The following FBXO11 variants were observed in gnomAD, a reference collection of about 807,000 sequenced individuals.
The protein encoded by FBXO11 is F-box only protein 11.
FBXO11 carries 13 observed loss-of-function variants against 117.0 expected under a neutral mutation model. The ratio of observed to expected loss-of-function variants is 0.11; its 90% CI spans 0.07 to 0.18. The LOEUF (loss-of-function observed/expected upper bound fraction) is 0.18, where lower values mean the gene tolerates loss of function less well. Among genes scored for constraint, FBXO11 ranks in the 10% least tolerant of loss-of-function variants. The probability of loss-of-function intolerance (pLI) is 1.00; values close to 1 mark genes in which losing one functional copy is unlikely to be tolerated. For missense variants in FBXO11, 767 were observed against 1,164.4 expected (o/e 0.66, Z 4.97); for synonymous variants, 490 against 380.5 (o/e 1.29, Z -3.35).
rs185491543 is a variant in FBXO11, at chr2:47,866,484, T to C, written c.233-26715A>G. On this transcript the variant is annotated intron_variant, in intron 1 of 22. Coordinates refer to ENST00000403359, the MANE Select transcript of FBXO11 (RefSeq NM_001190274.2). ...TACGCTAGCAAGTTTGTTTTTTTTT[T>C]TTTCTTTTGAGACGGAGTCTTGCTC... is the stretch of plus-strand genomic sequence containing the variant. Among the ~76,000 whole-genome samples the C allele has an allele frequency of 3.3e-5, 5 of 152,010 alleles. No homozygotes were observed. The East Asian group carries it at 9.7e-4, about 29-fold the overall frequency.
intron 1 of FBXO11, among the ~76,000 whole-genome samples, chr2:47,877,624 C>T (rs537898434): frequency 5.3e-5 from 8 of 152,138 alleles, no homozygotes; most frequent in African/African-American, 1.4e-4. Context: ...CTTACCCTAA[C>T]GATTTTTCAT....
chr2:47,858,681 C>CAAAAAAAAAAAAAAAAAAAAAAAAAAAAA (rs902232765), intron 1 of FBXO11, among the ~76,000 whole-genome samples: 1 of 67,496 alleles, frequency 1.5e-5, no homozygotes, highest in Non-Finnish European at 2.9e-5. Context: ...GACTCTGCCT[C>CAAAAAAAAAAAAAAAAAAAAAAAAAAAAA]AAAAAAAAAA....
chr2:47,853,932 T>C (rs1185013818), intron 1 of FBXO11, among the ~76,000 whole-genome samples: 1 of 152,200 alleles, frequency 6.6e-6, no homozygotes, highest in Non-Finnish European at 1.5e-5. Flanking sequence ...TGACAGGTAT[T>C]TAGAATGGTT....
At chr2:47,892,866 T>A (rs576686966) in intron 1 of FBXO11, among the ~76,000 whole-genome samples, 2 of 152,286 alleles carry the variant, frequency 1.3e-5, no homozygotes, top group South Asian at 2.1e-4. Flanking sequence ...CGTTTTTTTT[T>A]AAGTCATTTA....
Position 47,905,613 on chromosome 2 carries a change from G to GGGCGGCTGC in FBXO11, c.99_107dup (p.Pro35_Gln37dup), listed in dbSNP as rs1678744248. The GGGCGGCTGC allele has an allele frequency of 7.4e-6, 10 of 1,360,118 alleles. No individual in the cohort carries two copies. Among genetic ancestry groups the GGGCGGCTGC allele is most frequent in the Non-Finnish European group, 9.5e-6 (10 of 1,053,064 alleles). The allele number at this position is 1,360,118 out of a possible 1,614,324, so 84.3% of individuals were successfully genotyped here. On this transcript the variant is annotated inframe_insertion, in exon 1 of 23. Transcript: ENST00000403359. ...GCTGCTGCTGGGGCGGCTGCTGCTGGGGCGGCTGCGGCGGCGGCTGCTGCG... is the reference window on the plus strand; with the variant it reads ...GCTGCTGCTGGGGCGGCTGCTGCTGGGGCGGCTGCGGCGGCTGCGGCGGCGGCTGCTGCG...
chr2:47,819,156 C>T, intron 14 of FBXO11, 78 bp from the exon 15 acceptor site: 1 of 1,440,232 alleles, frequency 6.9e-7, no homozygotes, highest in South Asian at 1.3e-5. Context: ...CCTTTATAGA[C>T]AGTTAAAAAA....
chr2:47,823,061 A>T (rs1671505502), intron 12 of FBXO11, 82 bp downstream of exon 12: 3 of 989,068 alleles, frequency 3.0e-6, no homozygotes, highest in African/African-American at 3.3e-5. Flanking sequence ...AAAAACTTTC[A>T]AGAGTTAAAG....
intron 1 of FBXO11, among the ~76,000 whole-genome samples, chr2:47,892,017 A>C (rs578000595): frequency 3.3e-5 from 5 of 152,040 alleles, no homozygotes; most frequent in African/African-American, 1.2e-4. Flanking sequence ...TTGGAGATTA[A>C]CTCCTTATCA....
At chr2:47,871,391 A>T (rs1675613849) in intron 1 of FBXO11, among the ~76,000 whole-genome samples, 1 of 152,178 alleles carries the variant, frequency 6.6e-6, no homozygotes, top group Admixed American at 6.5e-5. Flanking sequence ...ACTTCAAATG[A>T]CTATAGCCCT....
intron 4 of FBXO11, chr2:47,836,844 C>T (rs565643608): frequency 5.0e-5 from 14 of 278,134 alleles, no homozygotes; most frequent in South Asian, 3.2e-4. Flanking sequence ...AGTGCAGAGG[C>T]GTGATCATGG....
Position 47,900,651 on chromosome 2 carries a change from CGT to C in FBXO11, c.232+4836_232+4837del, listed in dbSNP as rs1280090946. Among the ~76,000 whole-genome samples, 8 of 111,162 alleles carry C rather than the reference CGT, an allele frequency of 7.2e-5. 1 individual carries two copies. The highest frequency in any genetic ancestry group is 9.4e-5 in the Admixed American group (1 of 10,650). 72.9% of individuals were successfully genotyped at this position (111,162 alleles called of 152,430 possible). A position where few individuals can be genotyped will look rare whatever the true frequency, so the allele number is the denominator to read the frequency against. ...ATACACACACGTACGTATATACACA[CGT>C]ATACACACACGTACGTATATACACA... On this transcript the variant is annotated intron_variant, in intron 1 of 22. Coordinates refer to ENST00000403359, the MANE Select transcript of FBXO11 (RefSeq NM_001190274.2).
At chr2:47,814,718 C>T (rs1202307515) in intron 16 of FBXO11, among the ~76,000 whole-genome samples, 1 of 152,194 alleles carries the variant, frequency 6.6e-6, no homozygotes, top group East Asian at 1.9e-4. Context: ...AAGTTTGCCA[C>T]ATAGACTGAC....
chr2:47,898,539 G>C (rs907885972), intron 1 of FBXO11, among the ~76,000 whole-genome samples: 3 of 152,056 alleles, frequency 2.0e-5, no homozygotes, highest in Non-Finnish European at 4.4e-5. Context: ...GTAATTCAGG[G>C]GAAATCTACC....
intron 11 of FBXO11, among the ~76,000 whole-genome samples, chr2:47,823,959 G>A (rs1182624023): frequency 6.6e-6 from 1 of 151,918 alleles, no homozygotes; most frequent in Non-Finnish European, 1.5e-5. Context: ...AGCCTTCTGA[G>A]TAGCTAGGAC....
chr2:47,812,051 C>G (rs970718590), intron 18 of FBXO11, among the ~76,000 whole-genome samples: 1 of 146,700 alleles, frequency 6.8e-6, no homozygotes, highest in Admixed American at 7.1e-5. Context: ...TTGATTATTT[C>G]CACTACACCT....
chr2:47,820,020 G>A (rs150416255), intron 14 of FBXO11, among the ~76,000 whole-genome samples: 15 of 152,270 alleles, frequency 9.9e-5, no homozygotes, highest in South Asian at 4.1e-4. Flanking sequence ...AGTCATACTC[G>A]TAAAATTCTG....
chr2:47,874,867 C>CTT (rs377037169), intron 1 of FBXO11, among the ~76,000 whole-genome samples: 19,363 of 128,732 alleles, frequency 0.15, 1,492 homozygotes, highest in Non-Finnish European at 0.18. Context: ...TGTCTCAGGA[C>CTT]TTTTTTTTTT....
Position 47,853,621 on chromosome 2 carries a change from C to A in FBXO11, c.233-13852G>T, listed in dbSNP as rs1674053659. Among the ~76,000 whole-genome samples the A allele has an allele frequency of 2.0e-5, 3 of 152,116 alleles. No homozygotes were observed. In the South Asian group the frequency reaches 6.2e-4, roughly 32 times the overall value. Reference sequence around the variant, plus strand: ...TTATCTTGCATAAGTACCTTAGCCTCTTTAACTTAAGCTCCTCAACTCATT... The same window carrying A: ...TTATCTTGCATAAGTACCTTAGCCTATTTAACTTAAGCTCCTCAACTCATT... On this transcript the variant is annotated intron_variant, in intron 1 of 22. Transcript: ENST00000403359.
chr2:47,816,758 T>C (rs1012600510), intron 16 of FBXO11, among the ~76,000 whole-genome samples: 2 of 152,160 alleles, frequency 1.3e-5, no homozygotes, highest in African/African-American at 4.8e-5. Flanking sequence ...CAGTAATATT[T>C]TGAAATATTT....
Sources: gnomAD v4.1 joint callset for allele counts (sites outside exome capture counted in the v4.1 genomes callset) on GRCh38, gnomAD v4.1.1 for gene constraint, MANE v1.5 for transcripts, NCBI Gene and HGNC (gene_info 2026-07-23, HGNC 2026-07-21) for gene names.